ZCWPW2: variants seen among roughly 807,000 people sequenced by gnomAD.
ZCWPW2 encodes zinc finger CW-type PWWP domain protein 2.
A neutral mutation model predicts 46.6 loss-of-function variants in ZCWPW2; 45 were observed. The ratio of observed to expected loss-of-function variants is 0.96; its 90% CI spans 0.76 to 1.24. ZCWPW2 has a LOEUF of 1.24. Among genes scored for constraint, ZCWPW2 ranks in the 50% most tolerant of loss-of-function variants. The pLI, the probability that ZCWPW2 is intolerant of heterozygous loss-of-function variation, is 0.00. For missense variants in ZCWPW2, 429 were observed against 403.9 expected (o/e 1.06, Z -0.53); for synonymous variants, 152 against 137.1 (o/e 1.11, Z -0.76).
At chr3:28,387,287 A>G (rs1357485539) in intron 1 of ZCWPW2, among the ~76,000 whole-genome samples, 2 of 152,076 alleles carry the variant, frequency 1.3e-5, no homozygotes, top group African/African-American at 2.4e-5. Context: ...CTTTGTTCCC[A>G]TCTGTCTTCT....
intron 4 of ZCWPW2, among the ~76,000 whole-genome samples, chr3:28,463,953 A>T (rs1698731358): frequency 6.6e-6 from 1 of 151,668 alleles, no homozygotes; most frequent in Admixed American, 6.6e-5. Flanking sequence ...AAGTAAAGGG[A>T]AGGGAAGGAA....
At chr3:28,457,687 G>A (rs947020356) in intron 4 of ZCWPW2, among the ~76,000 whole-genome samples, 4 of 152,162 alleles carry the variant, frequency 2.6e-5, no homozygotes, top group South Asian at 2.1e-4. Context: ...CTTCTTGTGC[G>A]GTATTCATCA....
At chr3:28,364,860 T>C (rs1019164057) in intron 1 of ZCWPW2, among the ~76,000 whole-genome samples, 7 of 152,206 alleles carry the variant, frequency 4.6e-5, no homozygotes, top group African/African-American at 1.7e-4. Flanking sequence ...ATCGTCATTC[T>C]AACTGGTGTG....
At chr3:28,356,369 G>T (rs550143123) in intron 1 of ZCWPW2, among the ~76,000 whole-genome samples, 5 of 152,326 alleles carry the variant, frequency 3.3e-5, no homozygotes, top group African/African-American at 1.2e-4. Context: ...TGCTGGAGAG[G>T]ATGTGGAGCA....
chr3:28,508,760 T>A (rs1256068181), intron 6 of ZCWPW2, among the ~76,000 whole-genome samples: 2 of 152,188 alleles, frequency 1.3e-5, no homozygotes, highest in African/African-American at 4.8e-5. Flanking sequence ...ACTCCTGACC[T>A]CAAGTGATCT....
At chr3:28,354,461 C>A (rs1279767015) in intron 1 of ZCWPW2, among the ~76,000 whole-genome samples, 1 of 140,636 alleles carries the variant, frequency 7.1e-6, no homozygotes, top group East Asian at 2.0e-4. Context: ...TGAAACTATT[C>A]CAATCAATAG....
intron 1 of ZCWPW2, among the ~76,000 whole-genome samples, chr3:28,382,180 A>G (rs923008796): frequency 2.2e-4 from 33 of 151,864 alleles, no homozygotes; most frequent in African/African-American, 3.4e-4. Flanking sequence ...AAAAAAAAAA[A>G]AGAGAAATTT....
intron 4 of ZCWPW2, among the ~76,000 whole-genome samples, chr3:28,454,910 T>C (rs542245633): frequency 2.0e-5 from 3 of 152,350 alleles, no homozygotes; most frequent in African/African-American, 7.2e-5. Context: ...GTTGATTCCA[T>C]GTATTTGCTA....
chr3:28,427,014 G>C (rs1280675392), intron 3 of ZCWPW2, among the ~76,000 whole-genome samples: 1 of 152,056 alleles, frequency 6.6e-6, no homozygotes, highest in African/African-American at 2.4e-5. Flanking sequence ...GCCAAAATTT[G>C]CCCTTTCCTC....
intron 4 of ZCWPW2, among the ~76,000 whole-genome samples, chr3:28,458,079 A>G (rs1288662028): frequency 6.6e-6 from 1 of 152,218 alleles, no homozygotes; most frequent in Admixed American, 6.5e-5. Context: ...GGAACTCTTT[A>G]TAACACCATC....
At chr3:28,465,038 A>G (rs1190831373) in intron 4 of ZCWPW2, among the ~76,000 whole-genome samples, 1 of 152,224 alleles carries the variant, frequency 6.6e-6, no homozygotes, top group Non-Finnish European at 1.5e-5. Flanking sequence ...TGCTGGTTAG[A>G]AAGGTAAATG....
At chr3:28,364,864 T>C (rs1705071928) in intron 1 of ZCWPW2, among the ~76,000 whole-genome samples, 1 of 152,194 alleles carries the variant, frequency 6.6e-6, no homozygotes, top group African/African-American at 2.4e-5. Context: ...TCATTCTAAC[T>C]GGTGTGAGAT....
intron 4 of ZCWPW2, among the ~76,000 whole-genome samples, chr3:28,453,969 C>T (rs979991795): frequency 6.6e-5 from 10 of 151,540 alleles, no homozygotes; most frequent in African/African-American, 1.4e-4. Context: ...CTCAGCCTCC[C>T]GAGTATCTGG....
At chr3:28,471,299 C>G (rs1229711316) in intron 4 of ZCWPW2, among the ~76,000 whole-genome samples, 2 of 151,970 alleles carry the variant, frequency 1.3e-5, no homozygotes, top group African/African-American at 4.8e-5. Context: ...AAACACACAT[C>G]AAAAAAGAAA....
At chr3:28,395,878 TAG>T (rs1474164367) in intron 2 of ZCWPW2, among the ~76,000 whole-genome samples, 1 of 152,102 alleles carries the variant, frequency 6.6e-6, no homozygotes, top group Non-Finnish European at 1.5e-5. Flanking sequence ...GCTAAAATAT[TAG>T]GTCTTAATTT....
chr3:28,512,320 G>A (rs955083875), intron 6 of ZCWPW2, among the ~76,000 whole-genome samples: 1 of 151,970 alleles, frequency 6.6e-6, no homozygotes, highest in Non-Finnish European at 1.5e-5. Context: ...TGGAATTACA[G>A]GTGTGCACCA....
chr3:28,366,537 C>T (rs1181192340), intron 1 of ZCWPW2, among the ~76,000 whole-genome samples: 10 of 133,578 alleles, frequency 7.5e-5, no homozygotes, highest in African/African-American at 8.8e-5. Flanking sequence ...CTGCTGGATT[C>T]GGTTTGCCAG....
At chr3:28,411,204 C>T (rs1575105308) in intron 2 of ZCWPW2, among the ~76,000 whole-genome samples, 1 of 151,872 alleles carries the variant, frequency 6.6e-6, no homozygotes, top group East Asian at 1.9e-4. Context: ...ATCCAGAATA[C>T]AAATATAGTT....
intron 1 of ZCWPW2, among the ~76,000 whole-genome samples, chr3:28,363,269 C>T (rs1306659050): frequency 1.3e-5 from 2 of 151,848 alleles, no homozygotes; most frequent in Non-Finnish European, 2.9e-5. Context: ...ATATACAAAA[C>T]TTTATTTAAT....
Sources: gnomAD v4.1 joint callset for allele counts (sites outside exome capture counted in the v4.1 genomes callset) on GRCh38, gnomAD v4.1.1 for gene constraint, MANE v1.5 for transcripts, NCBI Gene and HGNC (gene_info 2026-07-23, HGNC 2026-07-21) for gene names.